Variants in TBXAS1 observed in about 807,000 individuals in gnomAD.
TBXAS1 encodes thromboxane-A synthase.
A neutral mutation model predicts 60.7 loss-of-function variants in TBXAS1; 48 were observed. The ratio of observed to expected loss-of-function variants is 0.79; its 90% CI spans 0.63 to 1.01. The LOEUF (loss-of-function observed/expected upper bound fraction) is 1.01, where lower values mean the gene tolerates loss of function less well. Ranked by LOEUF, TBXAS1 falls within the 50% of genes least tolerant of loss-of-function variation. TBXAS1 has a pLI of 0.00. For synonymous variants in TBXAS1, 287 were observed against 269.7 expected (o/e 1.06, Z -0.63); for missense variants, 685 against 686.3 (o/e 1.00, Z 0.02).
intron 9 of TBXAS1, among the ~76,000 whole-genome samples, chr7:139,985,878 C>T (rs1812418622): frequency 6.6e-6 from 1 of 152,228 alleles, no homozygotes; most frequent in Non-Finnish European, 1.5e-5. Context: ...ATGCCCTCCC[C>T]CATAGTGTGT....
upstream of TBXAS1, among the ~76,000 whole-genome samples, chr7:139,825,004 A>G (rs1479950604): frequency 2.6e-5 from 4 of 151,206 alleles, no homozygotes; most frequent in African/African-American, 9.7e-5. Flanking sequence ...AAATTTTTGT[A>G]TTTTTAGTAG....
intron 10 of TBXAS1, among the ~76,000 whole-genome samples, chr7:140,008,267 G>A (rs1406435521): frequency 3.9e-5 from 6 of 152,124 alleles, no homozygotes; most frequent in South Asian, 2.1e-4. Context: ...TTCCGGTGGC[G>A]TGATTCGAAC....
At chr7:139,905,376 T>C (rs1804996249) in intron 3 of TBXAS1, among the ~76,000 whole-genome samples, 1 of 152,334 alleles carries the variant, frequency 6.6e-6, no homozygotes, top group South Asian at 2.1e-4. Flanking sequence ...GAGATTATCA[T>C]GTGATTTTTG....
At chr7:139,910,525 T>C (rs192001957) in intron 3 of TBXAS1, among the ~76,000 whole-genome samples, 1 of 152,196 alleles carries the variant, frequency 6.6e-6, no homozygotes, top group South Asian at 2.1e-4. Flanking sequence ...TAATCCCAGC[T>C]ACTCAGGAGG....
chr7:140,014,980 A>G (rs184570531), intron 10 of TBXAS1, among the ~76,000 whole-genome samples: 20 of 152,128 alleles, frequency 1.3e-4, no homozygotes, highest in African/African-American at 4.6e-4. Context: ...GCAGCAAAAA[A>G]CAGCAGGTGA....
rs751679428 is a variant in TBXAS1, at chr7:140,017,841, C to T, written c.1527+8C>T. On this transcript the variant is annotated splice_region_variant and intron_variant, in intron 12 of 12. Coordinates refer to ENST00000448866, the MANE Select transcript of TBXAS1 (RefSeq NM_001061.7). The stretch of plus-strand genomic sequence containing the variant: ...GCCTGCCCTGAGACCCAGGTGAGGC[C>T]CCCCTGCTCAGAGGCAGGGGCAGGG... 1.2e-5 allele frequency: 20 copies of T among 1,613,876 alleles called. No homozygotes were observed. Among genetic ancestry groups the T allele is most frequent in the Non-Finnish European group, 1.7e-5 (20 of 1,179,930 alleles).
intron 1 of TBXAS1, among the ~76,000 whole-genome samples, chr7:139,833,111 G>T (rs968983901): frequency 6.6e-6 from 1 of 152,000 alleles, no homozygotes; most frequent in Non-Finnish European, 1.5e-5. Context: ...AGGCAACAAA[G>T]AGCCCAATGA....
chr7:139,810,606 TACTATTA>T (rs1173711197), intron 4 of TBXAS1, among the ~76,000 whole-genome samples: 1 of 152,242 alleles, frequency 6.6e-6, no homozygotes, highest in East Asian at 1.9e-4. Context: ...TATTTTTGTA[TACTATTA>T]ACTGCATAGT....
chr7:139,932,610 C>T (rs1329360956), intron 4 of TBXAS1, among the ~76,000 whole-genome samples: 1 of 152,080 alleles, frequency 6.6e-6, no homozygotes, highest in Non-Finnish European at 1.5e-5. Context: ...TAGGCATATG[C>T]CTAAGTACCA....
intron 1 of TBXAS1, among the ~76,000 whole-genome samples, chr7:139,832,536 T>C (rs187625490): frequency 6.6e-6 from 1 of 152,314 alleles, no homozygotes; most frequent in East Asian, 1.9e-4. Flanking sequence ...AAAACATATT[T>C]GGGGGAATAA....
intron 4 of TBXAS1, among the ~76,000 whole-genome samples, chr7:139,803,734 C>T (rs1244416594): frequency 6.6e-6 from 1 of 152,138 alleles, no homozygotes; most frequent in African/African-American, 2.4e-5. Context: ...TAAAAGGGGC[C>T]AAGGTACCAC....
intron 4 of TBXAS1, among the ~76,000 whole-genome samples, chr7:139,926,056 G>A (rs967028866): frequency 1.3e-5 from 2 of 152,016 alleles, no homozygotes; most frequent in African/African-American, 4.8e-5. Context: ...AACGATTTTT[G>A]CATCAGTGTT....
intron 3 of TBXAS1, among the ~76,000 whole-genome samples, chr7:139,903,762 G>T (rs1196490452): frequency 6.6e-6 from 1 of 151,858 alleles, no homozygotes; most frequent in Non-Finnish European, 1.5e-5. Flanking sequence ...TTTGAGAATT[G>T]TCTATTCAGG....
intron 3 of TBXAS1, among the ~76,000 whole-genome samples, chr7:139,879,832 T>TTGTGTGTGTGTG (rs57176056): frequency 1.8e-3 from 246 of 140,498 alleles, no homozygotes; most frequent in African/African-American, 4.3e-3. Context: ...TTATCTCATT[T>TTGTGTGTGTGTG]TGTGTGTGTG....
chr7:139,962,139 C>A lies in TBXAS1; in HGVS notation c.1040C>A (p.Thr347Asn). The change falls in exon 9 of 13, where the codon ACC becomes AAC. Residue 347 changes from threonine (T) to asparagine (N), a missense_variant. Coordinates refer to ENST00000448866, the MANE Select transcript of TBXAS1 (RefSeq NM_001061.7). ...CTCATCGCTGGCTATGAAATCATCA[C>A]CAACACACTTTCTTTTGCCACCTAC... ...IFLIAGYEIITNTLSFATYLL... is the reference protein window; with the variant it reads ...IFLIAGYEIINNTLSFATYLL... 1 of 1,614,214 alleles carries A rather than the reference C, an allele frequency of 6.2e-7. No individual in the cohort carries two copies. Among genetic ancestry groups the A allele is most frequent in the Non-Finnish European group, 8.5e-7 (1 of 1,180,042 alleles).
At chr7:139,982,730 C>T (rs1402391255) in intron 9 of TBXAS1, among the ~76,000 whole-genome samples, 1 of 152,176 alleles carries the variant, frequency 6.6e-6, no homozygotes, top group African/African-American at 2.4e-5. Flanking sequence ...TCATGGTCCC[C>T]TAAAGGATCA....
At chr7:139,935,037 C>T (rs1263109783) in intron 4 of TBXAS1, among the ~76,000 whole-genome samples, 3 of 152,222 alleles carry the variant, frequency 2.0e-5, no homozygotes, top group Non-Finnish European at 4.4e-5. Flanking sequence ...TGGTCTCGAA[C>T]TCCTGACCTC....
At chr7:139,805,669 T>TCTTC in intron 4 of TBXAS1, among the ~76,000 whole-genome samples, 1 of 39,068 alleles carries the variant, frequency 2.6e-5, no homozygotes, top group South Asian at 9.7e-4. Context: ...TCTCTTTCTT[T>TCTTC]CTTTCTTTCT....
At chr7:139,865,902 GAGGA>G (rs1270318603) in intron 1 of TBXAS1, among the ~76,000 whole-genome samples, 2 of 137,688 alleles carry the variant, frequency 1.5e-5, no homozygotes, top group Non-Finnish European at 3.1e-5. Flanking sequence ...AGGAGGGAGG[GAGGA>G]AGGAAGGAAA....
Sources: gnomAD v4.1 joint callset for allele counts (sites outside exome capture counted in the v4.1 genomes callset) on GRCh38, gnomAD v4.1.1 for gene constraint, MANE v1.5 for transcripts, NCBI Gene and HGNC (gene_info 2026-07-23, HGNC 2026-07-21) for gene names.